The following PREX2 variants were observed in gnomAD, a reference collection of about 807,000 sequenced individuals.
PREX2 encodes phosphatidylinositol-3,4,5-trisphosphate dependent Rac exchange factor 2.
In PREX2, 107 loss-of-function variants were observed where a neutral mutation model predicts 203.2. That is an observed-to-expected ratio of 0.53 (90% CI 0.45 to 0.62). The LOEUF (loss-of-function observed/expected upper bound fraction) is 0.62. Ranked by LOEUF, PREX2 falls within the 20% of genes least tolerant of loss-of-function variation. PREX2 has a pLI of 0.00. For synonymous variants in PREX2, 672 were observed against 663.6 expected (o/e 1.01, Z -0.19); for missense variants, 1,777 against 1,955.9 (o/e 0.91, Z 1.72).
Position 68,053,160 on chromosome 8 carries a change from A to G in PREX2, c.1007A>G (p.Asn336Ser), listed in dbSNP as rs1035055535. ...TGGAAGATACATAACACAGCAAAAA[A>G]TAAATGGTTTGTTTGTATGGCAAAA... is the stretch of plus-strand genomic sequence containing the variant. ...NGWKIHNTAK[N>S]KWFVCMAKTP... Residue 336 changes from asparagine (N) to serine (S), a missense_variant, in exon 9 of 40, where the codon AAT becomes AGT. Asn to Ser is a conservative substitution (Grantham distance 46). Coordinates refer to ENST00000288368, the MANE Select transcript of PREX2 (RefSeq NM_024870.4). The G allele has an allele frequency of 2.5e-6, 4 of 1,613,772 alleles. No homozygotes were observed. Among genetic ancestry groups the G allele is most frequent in the African/African-American group, 1.3e-5 (1 of 75,018 alleles).
Position 67,952,314 on chromosome 8 carries a change from C to A in PREX2, c.-81C>A. On this transcript the variant is annotated 5_prime_UTR_variant, in exon 1 of 40. Coordinates refer to ENST00000288368, the MANE Select transcript of PREX2 (RefSeq NM_024870.4). ...GGAGGCGGCAACTTTCCATTCTCGC[C>A]GCCGGGGGCCGGGCAGCAGCGGGCG... 8.1e-7 allele frequency: 1 copy of A among 1,234,106 alleles called. No homozygotes were observed. Among genetic ancestry groups the A allele is most frequent in the South Asian group, 2.9e-5 (1 of 34,412 alleles). 76.4% of individuals were successfully genotyped at this position (1,234,106 alleles called of 1,614,324 possible).
At chr8:68,117,203 A>G (rs1810676494) in intron 26 of PREX2, among the ~76,000 whole-genome samples, 1 of 152,194 alleles carries the variant, frequency 6.6e-6, no homozygotes, top group Non-Finnish European at 1.5e-5. Flanking sequence ...GGAAGATTTT[A>G]CATAATCCTC....
At chr8:68,017,726 A>G in intron 1 of PREX2, 120 bp from the exon 2 acceptor site, 1 of 746,312 alleles carries the variant, frequency 1.3e-6, no homozygotes, top group Non-Finnish European at 2.3e-6. Context: ...AAACTATTAT[A>G]CTCAACAAAT....
rs1448417205 is a variant in PREX2, at chr8:68,232,514, A to G, written c.*1136A>G. 1 of 152,246 alleles carries G rather than the reference A, an allele frequency of 6.6e-6. No individual in the cohort carries two copies. The highest frequency in any genetic ancestry group is 1.9e-4 in the East Asian group (1 of 5,198). 9.4% of individuals were successfully genotyped at this position (152,246 alleles called of 1,614,324 possible). On this transcript the variant is annotated 3_prime_UTR_variant, in exon 40 of 40. Transcript: ENST00000288368. ...ATACAGTAATATTTATTTTAAATCC[A>G]TAATTTTCAAACAAAACACTCATGA... is the stretch of plus-strand genomic sequence containing the variant.
intron 22 of PREX2, among the ~76,000 whole-genome samples, chr8:68,098,151 CCTA>C (rs1486452534): frequency 1.3e-5 from 2 of 152,164 alleles, no homozygotes; most frequent in Non-Finnish European, 2.9e-5. Context: ...CCATCAGACT[CCTA>C]CTGTATCCTC....
At chr8:68,187,267 T>G (rs1812209204) in intron 35 of PREX2, among the ~76,000 whole-genome samples, 1 of 152,140 alleles carries the variant, frequency 6.6e-6, no homozygotes, top group Non-Finnish European at 1.5e-5. Flanking sequence ...AGGCCTAAAT[T>G]CTACTTGCAC....
intron 35 of PREX2, among the ~76,000 whole-genome samples, chr8:68,187,926 C>T (rs1038598343): frequency 6.6e-6 from 1 of 152,108 alleles, no homozygotes; most frequent in African/African-American, 2.4e-5. Context: ...ACAGCGTTTG[C>T]AGAGCAATAG....
intron 23 of PREX2, 88 bp downstream of exon 23, chr8:68,099,931 C>T: frequency 8.2e-7 from 1 of 1,218,228 alleles, no homozygotes; most frequent in Non-Finnish European, 1.2e-6. Context: ...ATTTTCTTTA[C>T]ATATTTGTTA....
rs911338858 is a variant in PREX2 at position 68,108,036 on chromosome 8, A to T, written c.2716-73A>T. On this transcript the variant is annotated intron_variant, in intron 23 of 39. Coordinates refer to ENST00000288368, the MANE Select transcript of PREX2 (RefSeq NM_024870.4). ...TTTGCCTTTGATTTTGTTGTGAATG[A>T]TGCAAGTGAAAAAAAGATGCCTGAG... The T allele has an allele frequency of 9.9e-6, 9 of 905,128 alleles. No individual in the cohort carries two copies. The African/African-American group carries it at 1.3e-4, about 14-fold the overall frequency. The allele number at this position is 905,128 out of a possible 1,614,324, so 56.1% of individuals were successfully genotyped here. A position where few individuals can be genotyped will look rare whatever the true frequency, so the allele number is the denominator to read the frequency against.
intron 35 of PREX2, chr8:68,177,061 T>C (rs1196856190): frequency 1.3e-5 from 2 of 153,062 alleles, no homozygotes; most frequent in African/African-American, 4.8e-5. Context: ...TGCCCAGATC[T>C]GCTGAGAACA....
At chr8:68,185,169 A>G (rs1279235017) in intron 35 of PREX2, among the ~76,000 whole-genome samples, 1 of 152,010 alleles carries the variant, frequency 6.6e-6, no homozygotes, top group Non-Finnish European at 1.5e-5. Context: ...TGAGTCATGT[A>G]TTTCCTCTCG....
chr8:68,187,520 A>G (rs558893205), intron 35 of PREX2, among the ~76,000 whole-genome samples: 7 of 152,286 alleles, frequency 4.6e-5, no homozygotes, highest in African/African-American at 1.7e-4. Context: ...CATATGCATT[A>G]ATTTAATCTT....
chr8:68,172,403 C>A (rs955144936), intron 35 of PREX2, among the ~76,000 whole-genome samples: 4 of 152,226 alleles, frequency 2.6e-5, no homozygotes, highest in Non-Finnish European at 4.4e-5. Flanking sequence ...AAGGACAGCA[C>A]CTCGTGCCCG....
chr8:68,200,113 C>T (rs1006239151), intron 37 of PREX2, among the ~76,000 whole-genome samples: 1 of 152,058 alleles, frequency 6.6e-6, no homozygotes, highest in Non-Finnish European at 1.5e-5. Context: ...AGAGGAGACA[C>T]CTGAATTTTA....
chr8:68,159,691 C>A (rs1465981081), intron 35 of PREX2, among the ~76,000 whole-genome samples: 3 of 152,300 alleles, frequency 2.0e-5, no homozygotes, highest in South Asian at 4.1e-4. Context: ...AAGTCCACAT[C>A]AATTCCTCAA....
chr8:67,965,571 GTA>G (rs1380287611), intron 1 of PREX2, among the ~76,000 whole-genome samples: 1 of 152,026 alleles, frequency 6.6e-6, no homozygotes, highest in African/African-American at 2.4e-5. Context: ...CAAAATGTGT[GTA>G]TGTCTGCATT....
chr8:68,009,660 T>G (rs1402734138), intron 1 of PREX2, among the ~76,000 whole-genome samples: 2 of 152,224 alleles, frequency 1.3e-5, no homozygotes, highest in Non-Finnish European at 2.9e-5. Flanking sequence ...TGAAATGTCT[T>G]TCTTTGTTGT....
rs192743540 is a variant in PREX2 at position 68,192,748 on chromosome 8, A to G, written c.4604+223A>G. On this transcript the variant is annotated intron_variant, in intron 37 of 39. Transcript: ENST00000288368. ...CCCACGTTTATATCATTGTGGCCCA[A>G]AATCTTATCATAGTTGCATTTATAT... 27 of 405,800 alleles carry G rather than the reference A, an allele frequency of 6.7e-5. No individual in the cohort carries two copies. The Admixed American group carries it at 1.1e-3, about 16-fold the overall frequency. 25.1% of individuals were successfully genotyped at this position (405,800 alleles called of 1,614,324 possible). A position where few individuals can be genotyped will look rare whatever the true frequency, so the allele number is the denominator to read the frequency against.
chr8:68,204,329 G>A (rs543581156), intron 37 of PREX2, among the ~76,000 whole-genome samples: 114 of 152,318 alleles, frequency 7.5e-4, no homozygotes, highest in African/African-American at 2.7e-3. Flanking sequence ...AACGAGGGAT[G>A]TGGAATGTTT....
Sources: gnomAD v4.1 joint callset for allele counts (sites outside exome capture counted in the v4.1 genomes callset) on GRCh38, gnomAD v4.1.1 for gene constraint, MANE v1.5 for transcripts, NCBI Gene and HGNC (gene_info 2026-07-23, HGNC 2026-07-21) for gene names.